Variants in AFTPH observed in about 807,000 individuals in gnomAD.
The protein encoded by AFTPH is aftiphilin, also known as aftiphilin protein.
In AFTPH, 7 loss-of-function variants were observed where a neutral mutation model predicts 72.5. The observed-to-expected ratio is 0.10, with a 90% CI of 0.05 to 0.18. The LOEUF (loss-of-function observed/expected upper bound fraction) is 0.18, where lower values mean the gene tolerates loss of function less well. Among genes scored for constraint, AFTPH ranks in the 10% least tolerant of loss-of-function variants. The pLI is 1.00. For synonymous variants in AFTPH, 337 were observed against 370.1 expected, an observed-to-expected ratio of 0.91 and a Z score of 1.03; for missense variants, 979 against 1,060.5, an observed-to-expected ratio of 0.92 and a Z score of 1.07.
exon 2 of AFTPH, chr2:64,552,658 G>C: frequency 6.2e-7 from 1 of 1,614,180 alleles, no homozygotes; most frequent in East Asian, 2.2e-5. Flanking sequence ...AATTTCCAAA[G>C]CCCAAACATT....
intron 6 of AFTPH, among the ~76,000 whole-genome samples, chr2:64,573,457 A>G (rs996793563): frequency 3.3e-5 from 5 of 151,838 alleles, no homozygotes; most frequent in African/African-American, 1.2e-4. Flanking sequence ...AGAAAAGAAA[A>G]AAGGAAACAC....
chr2:64,532,526 G>A (rs1379117210), intron 1 of AFTPH, among the ~76,000 whole-genome samples: 2 of 152,106 alleles, frequency 1.3e-5, no homozygotes, highest in Non-Finnish European at 2.9e-5. Flanking sequence ...GGATTTGTGA[G>A]GTGAAATCAT....
rs1243472946 is a variant in AFTPH at position 64,548,433 on chromosome 2, A to AAAAAAAAAAAAC, written c.-32-3008_-32-3007insAAAAAAAAACAA. Reference sequence around the variant, plus strand: ...AAAAAAAAAAAAAAAAAAAAAAAAAAAACTTTAGAAAAAGGAATCCTGTAG... The same window carrying AAAAAAAAAAAAC: ...AAAAAAAAAAAAAAAAAAAAAAAAAAAAAAAAAAAAACAACTTTAGAAAAAGGAATCCTGTAG... On this transcript the variant is annotated intron_variant, in intron 1 of 8. Transcript: ENST00000238856. Among the ~76,000 whole-genome samples, 21 of 102,540 alleles carry AAAAAAAAAAAAC rather than the reference A, an allele frequency of 2.0e-4. 2 individuals carry two copies. Among genetic ancestry groups the AAAAAAAAAAAAC allele is most frequent in the Non-Finnish European group, 2.6e-4 (12 of 47,046 alleles). 67.3% of individuals were successfully genotyped at this position (102,540 alleles called of 152,430 possible).
intron 6 of AFTPH, among the ~76,000 whole-genome samples, chr2:64,575,884 A>ACACAC (rs1255450802): frequency 6.6e-6 from 1 of 151,640 alleles, no homozygotes; most frequent in Non-Finnish European, 1.5e-5. Context: ...GACTACAGGC[A>ACACAC]CACACCACAC....
chr2:64,553,137 T>A (rs1486354532), exon 2 of AFTPH: 1 of 1,614,088 alleles, frequency 6.2e-7, no homozygotes, highest in Non-Finnish European at 8.5e-7. Flanking sequence ...TTTTCAAGAC[T>A]CTGATGATTT....
intron 1 of AFTPH, among the ~76,000 whole-genome samples, chr2:64,545,750 G>A (rs1670570234): frequency 6.6e-6 from 1 of 152,056 alleles, no homozygotes; most frequent in Non-Finnish European, 1.5e-5. Flanking sequence ...GAACAGATTA[G>A]TGGTTGCAAG....
At chr2:64,555,441 A>G (rs532157125) in intron 2 of AFTPH, among the ~76,000 whole-genome samples, 1 of 152,014 alleles carries the variant, frequency 6.6e-6, no homozygotes, top group African/African-American at 2.4e-5. Flanking sequence ...TGCATCTGTA[A>G]TCCCAGCTAC....
chr2:64,531,315 G>T (rs1669621967), intron 1 of AFTPH, among the ~76,000 whole-genome samples: 1 of 152,138 alleles, frequency 6.6e-6, no homozygotes, highest in Non-Finnish European at 1.5e-5. Context: ...TTTCTAAGAG[G>T]TTATAATAAA....
exon 2 of AFTPH, chr2:64,551,511 C>A: frequency 6.2e-7 from 1 of 1,613,838 alleles, no homozygotes; most frequent in South Asian, 1.1e-5. Flanking sequence ...CTCTTCATCC[C>A]CACCACCATT....
At chr2:64,551,384 G>T in intron 1 of AFTPH, 59 bp from the exon 2 acceptor site, 1 of 1,336,298 alleles carries the variant, frequency 7.5e-7, no homozygotes, top group Non-Finnish European at 1.0e-6. Flanking sequence ...AGAGAATTTT[G>T]AAAGATCTTG....
chr2:64,545,899 T>C (rs1006006080), intron 1 of AFTPH, among the ~76,000 whole-genome samples: 1 of 151,910 alleles, frequency 6.6e-6, no homozygotes, highest in African/African-American at 2.4e-5. Flanking sequence ...TGTTTCGTTT[T>C]GTTTTTTTAA....
At chr2:64,547,794 T>TAAAATAA (rs1670741715) in intron 1 of AFTPH, among the ~76,000 whole-genome samples, 1 of 152,056 alleles carries the variant, frequency 6.6e-6, no homozygotes, top group African/African-American at 2.4e-5. Flanking sequence ...TTTTATTTAA[T>TAAAATAA]GTTTTTGAGA....
At chr2:64,552,367 G>A (rs1671101463) in exon 2 of AFTPH, 1 of 1,614,068 alleles carries the variant, frequency 6.2e-7, no homozygotes, top group Non-Finnish European at 8.5e-7. Context: ...GATCAGGTTT[G>A]TGTTTCAGAA....
intron 1 of AFTPH, among the ~76,000 whole-genome samples, chr2:64,526,379 C>T (rs1048238775): frequency 2.6e-5 from 4 of 152,192 alleles, no homozygotes; most frequent in African/African-American, 9.7e-5. Context: ...AATAGCTTCT[C>T]ATTAAGGGAT....
At chr2:64,576,740 ATGTAGTTCCATGCTCACTT>A (rs1672826287) in intron 6 of AFTPH, among the ~76,000 whole-genome samples, 1 of 152,084 alleles carries the variant, frequency 6.6e-6, no homozygotes, top group South Asian at 2.1e-4. Context: ...AAAAATGATT[ATGTAGTTCCATGCTCACTT>A]TTTTTTTGTT....
intron 2 of AFTPH, 82 bp from the exon 3 acceptor site, chr2:64,567,480 C>T (rs183257292): frequency 4.0e-5 from 57 of 1,420,348 alleles, no homozygotes; most frequent in Middle Eastern, 1.8e-4. Context: ...ACAGGGTGTG[C>T]GTGTGTTTGC....
intron 2 of AFTPH, among the ~76,000 whole-genome samples, chr2:64,556,051 G>A (rs1472074157): frequency 2.0e-5 from 3 of 149,228 alleles, no homozygotes; most frequent in African/African-American, 7.6e-5. Flanking sequence ...GCAGTGGCAC[G>A]ATCTCAGCTC....
rs1243472946 is a variant in AFTPH, at chr2:64,548,433, A to AAAAAAAAAAAAAAC, written c.-32-3008_-32-3007insAAAAAAAAAAACAA. 1.7e-4 allele frequency among the ~76,000 whole-genome samples: 17 copies of AAAAAAAAAAAAAAC among 102,606 alleles called. 1 individual carries two copies. Among genetic ancestry groups the AAAAAAAAAAAAAAC allele is most frequent in the South Asian group, 3.6e-4 (1 of 2,762 alleles). 67.3% of individuals were successfully genotyped at this position (102,606 alleles called of 152,430 possible). The stretch of plus-strand genomic sequence containing the variant: ...AAAAAAAAAAAAAAAAAAAAAAAAA[A>AAAAAAAAAAAAAAC]AACTTTAGAAAAAGGAATCCTGTAG... On this transcript the variant is annotated intron_variant, in intron 1 of 8. Transcript: ENST00000238856.
At chr2:64,529,151 A>G (rs918132225) in intron 1 of AFTPH, among the ~76,000 whole-genome samples, 3 of 152,106 alleles carry the variant, frequency 2.0e-5, no homozygotes, top group African/African-American at 4.8e-5. Context: ...CTTGCAACCT[A>G]TGTTTCCAGC....
Sources: gnomAD v4.1 joint callset for allele counts (sites outside exome capture counted in the v4.1 genomes callset) on GRCh38, gnomAD v4.1.1 for gene constraint, MANE v1.5 for transcripts, NCBI Gene and HGNC (gene_info 2026-07-23, HGNC 2026-07-21) for gene names.